Variants in ARB2A observed in about 807,000 individuals in gnomAD.
ARB2A encodes cotranscriptional regulator ARB2A.
At chr5:93,849,719 AT>A in the ARB2A span, among the ~76,000 whole-genome samples, 1 of 152,152 alleles carries the variant, frequency 6.6e-6, no homozygotes, top group Non-Finnish European at 1.5e-5. Flanking sequence ...AAGGTAAAAT[AT>A]TTTTATAGTT....
the ARB2A span, among the ~76,000 whole-genome samples, chr5:93,721,190 GC>G: frequency 1.3e-5 from 2 of 152,124 alleles, no homozygotes; most frequent in Non-Finnish European, 2.9e-5. Context: ...GTGGAACCTA[GC>G]GAGGCAGCTC....
the ARB2A span, among the ~76,000 whole-genome samples, chr5:93,974,925 T>C: frequency 6.6e-6 from 1 of 152,166 alleles, no homozygotes; most frequent in Non-Finnish European, 1.5e-5. Context: ...CAAAAAATTC[T>C]TTTAAACAAA....
the ARB2A span, among the ~76,000 whole-genome samples, chr5:93,997,679 A>AAT: frequency 5.9e-5 from 9 of 151,960 alleles, 1 homozygote; most frequent in Admixed American, 2.0e-4. Flanking sequence ...TGTATGACTT[A>AAT]ATAACTCAAG....
At chr5:93,805,041 G>A in the ARB2A span, 2 of 962,240 alleles carry the variant, frequency 2.1e-6, no homozygotes, top group African/African-American at 1.8e-5. Flanking sequence ...TTTTATGAGG[G>A]GATGCATTTT....
the ARB2A span, among the ~76,000 whole-genome samples, chr5:93,707,833 C>T: frequency 6.6e-6 from 1 of 152,074 alleles, no homozygotes; most frequent in Non-Finnish European, 1.5e-5. Context: ...CCTTGGCCTC[C>T]CAAAGTGCTG....
chr5:94,091,238 G>C, the ARB2A span, among the ~76,000 whole-genome samples: 14 of 152,260 alleles, frequency 9.2e-5, no homozygotes, highest in Non-Finnish European at 2.9e-5. Flanking sequence ...TAAATAGTTT[G>C]TTTTCAATTA....
chr5:93,817,578 C>T, the ARB2A span, among the ~76,000 whole-genome samples: 1 of 152,110 alleles, frequency 6.6e-6, no homozygotes, highest in African/African-American at 2.4e-5. Context: ...AAACTTACCA[C>T]AAAGCTACAG....
At chr5:93,711,864 T>C in the ARB2A span, among the ~76,000 whole-genome samples, 4 of 152,192 alleles carry the variant, frequency 2.6e-5, no homozygotes, top group African/African-American at 9.7e-5. Flanking sequence ...GCAAATTCAG[T>C]GGGAAACCAA....
the ARB2A span, chr5:93,736,814 A>G: frequency 2.0e-5 from 3 of 152,218 alleles, no homozygotes; most frequent in Non-Finnish European, 2.9e-5. Context: ...CTCAACATGT[A>G]GAGTACGTAT....
At chr5:93,977,464 C>T in the ARB2A span, among the ~76,000 whole-genome samples, 1 of 152,064 alleles carries the variant, frequency 6.6e-6, no homozygotes, top group Non-Finnish European at 1.5e-5. Flanking sequence ...AATAAAGTCA[C>T]ACACCACCAA....
the ARB2A span, among the ~76,000 whole-genome samples, chr5:93,655,954 C>G: frequency 6.6e-6 from 1 of 152,156 alleles, no homozygotes; most frequent in African/African-American, 2.4e-5. Flanking sequence ...TATTCACTAG[C>G]TTGTATCTTG....
the ARB2A span, among the ~76,000 whole-genome samples, chr5:93,975,052 T>C: frequency 2.0e-5 from 3 of 152,054 alleles, no homozygotes; most frequent in African/African-American, 7.2e-5. Flanking sequence ...CGGTGGCTCA[T>C]GCCTGTAATC....
the ARB2A span, among the ~76,000 whole-genome samples, chr5:93,962,403 G>C: frequency 6.6e-6 from 1 of 152,130 alleles, no homozygotes; most frequent in Non-Finnish European, 1.5e-5. Flanking sequence ...CTATTTATGA[G>C]AGATGTGGAT....
the ARB2A span, among the ~76,000 whole-genome samples, chr5:93,695,776 G>T: frequency 6.6e-6 from 1 of 152,110 alleles, no homozygotes; most frequent in East Asian, 1.9e-4. Context: ...CAAAGACCTG[G>T]ATCCAACCCA....
the ARB2A span, among the ~76,000 whole-genome samples, chr5:93,928,932 T>C: frequency 2.0e-5 from 3 of 152,154 alleles, 1 homozygote; most frequent in African/African-American, 7.2e-5. Flanking sequence ...CTGTATTAAA[T>C]TGGAAAGTCT....
At chr5:93,919,329 AATTT>A in the ARB2A span, among the ~76,000 whole-genome samples, 1 of 152,118 alleles carries the variant, frequency 6.6e-6, no homozygotes, top group Non-Finnish European at 1.5e-5. Context: ...CACTAAAAAT[AATTT>A]ATTTAATTAA....
chr5:94,064,676 G>C, the ARB2A span, among the ~76,000 whole-genome samples: 1 of 152,128 alleles, frequency 6.6e-6, no homozygotes, highest in African/African-American at 2.4e-5. Flanking sequence ...AGACGAAATG[G>C]GATAACATAT....
the ARB2A span, among the ~76,000 whole-genome samples, chr5:93,823,228 G>T: frequency 6.6e-6 from 1 of 152,124 alleles, no homozygotes; most frequent in Non-Finnish European, 1.5e-5. Flanking sequence ...TATTAGAATT[G>T]ATTATATCAC....
the ARB2A span, among the ~76,000 whole-genome samples, chr5:93,906,194 A>G: frequency 6.6e-6 from 1 of 151,578 alleles, no homozygotes; most frequent in African/African-American, 2.4e-5. Context: ...TTACAAAATC[A>G]TAACTAAAAT....
Sources: gnomAD v4.1 joint callset for allele counts (sites outside exome capture counted in the v4.1 genomes callset) on GRCh38, gnomAD v4.1.1 for gene constraint, MANE v1.5 for transcripts, NCBI Gene and HGNC (gene_info 2026-07-23, HGNC 2026-07-21) for gene names.